Variants in THSD7A observed in about 807,000 individuals in gnomAD.
THSD7A encodes thrombospondin type 1 domain containing 7A, also known as thrombospondin type-1 domain-containing protein 7A.
THSD7A carries 96 observed loss-of-function variants against 231.3 expected under a neutral mutation model. That is an observed-to-expected ratio of 0.41 (90% confidence interval 0.35 to 0.49). The LOEUF is 0.49. Among genes scored for constraint, THSD7A ranks in the 20% least tolerant of loss-of-function variants. The pLI is 0.05. For synonymous variants in THSD7A, 940 were observed against 743.3 expected, an observed-to-expected ratio of 1.26 and a Z score of -4.30; for missense variants, 2,290 against 2,070.2, an observed-to-expected ratio of 1.11 and a Z score of -2.06.
At chr7:11,699,766 A>G (rs1368749739) in intron 1 of THSD7A, among the ~76,000 whole-genome samples, 1 of 151,278 alleles carries the variant, frequency 6.6e-6, no homozygotes, top group East Asian at 2.0e-4. Context: ...CTTTCCACCT[A>G]CATAACTGAA....
chr7:11,591,399 C>T (rs953828198), intron 3 of THSD7A, among the ~76,000 whole-genome samples: 7 of 151,948 alleles, frequency 4.6e-5, no homozygotes, highest in African/African-American at 1.5e-4. Context: ...GGCATTTCTC[C>T]ACCTCAAGGA....
chr7:11,771,041 CTT>C (rs1783210324), intron 1 of THSD7A, among the ~76,000 whole-genome samples: 1 of 150,994 alleles, frequency 6.6e-6, no homozygotes, highest in Non-Finnish European at 1.5e-5. Context: ...CTCATACATT[CTT>C]TCTTTAAAAA....
chr7:11,382,665 G>T, intron 23 of THSD7A, 49 bp from the exon 24 acceptor site: 3 of 1,338,192 alleles, frequency 2.2e-6, no homozygotes, highest in Non-Finnish European at 3.2e-6. Flanking sequence ...TACCCAGAAG[G>T]ACAATCATGG....
chr7:11,692,202 C>A (rs1754983616), intron 1 of THSD7A, among the ~76,000 whole-genome samples: 1 of 151,468 alleles, frequency 6.6e-6, no homozygotes, highest in Non-Finnish European at 1.5e-5. Context: ...AATTTGCAGC[C>A]TGAAAACATT....
rs970593726 is a variant in THSD7A, at chr7:11,406,821, T to C, written c.4062+89A>G. ...TGTCATCTGTGAGCTCTGAAACATA[T>C]TTCTAACACATTATTTTTATGTTTT... On this transcript the variant is annotated intron_variant, in intron 21 of 27. Coordinates refer to ENST00000423059, the MANE Select transcript of THSD7A (RefSeq NM_015204.3). This position sits in a 1 kb window ranked among gnomAD's most constrained non-coding sequence, Gnocchi z 4.7. 60 of 1,450,598 alleles carry C rather than the reference T, an allele frequency of 4.1e-5. No homozygotes were observed. The highest frequency in any genetic ancestry group is 1.2e-4 in the East Asian group (5 of 41,988). 89.9% of individuals were successfully genotyped at this position (1,450,598 alleles called of 1,614,324 possible). A position where few individuals can be genotyped will look rare whatever the true frequency, so the allele number is the denominator to read the frequency against.
chr7:11,666,917 T>C lies in THSD7A; in HGVS notation c.191-29956A>G, dbSNP rs73294506. Among the ~76,000 whole-genome samples, 810 of 152,100 alleles carry C rather than the reference T, an allele frequency of 5.3e-3. 9 individuals are homozygous for C. The highest frequency in any genetic ancestry group is 0.017 in the African/African-American group (724 of 41,526). On this transcript the variant is annotated intron_variant, in intron 1 of 27. Coordinates refer to ENST00000423059, the MANE Select transcript of THSD7A (RefSeq NM_015204.3). ...TTTTTCTGATTTAATGCAAGCATAT[T>C]AAAATAAGTCAAAAAAACTAAAATG...
At chr7:11,512,084 AG>A (rs1787833007) in intron 6 of THSD7A, among the ~76,000 whole-genome samples, 1 of 152,236 alleles carries the variant, frequency 6.6e-6, no homozygotes, top group Non-Finnish European at 1.5e-5. Context: ...GAACAAATTT[AG>A]AAGAAAAAAT....
intron 1 of THSD7A, among the ~76,000 whole-genome samples, chr7:11,822,943 G>A (rs911442031): frequency 1.3e-5 from 2 of 151,920 alleles, no homozygotes; most frequent in African/African-American, 4.8e-5. Flanking sequence ...GTGTGCAGAA[G>A]GTCTTCAGTT....
At chr7:11,426,531 C>G in intron 15 of THSD7A, 135 bp downstream of exon 15, 1 of 972,162 alleles carries the variant, frequency 1.0e-6, no homozygotes, top group Non-Finnish European at 1.5e-6. Context: ...GAAAAAAATT[C>G]TTTAATGGAA....
chr7:11,629,291 C>G (rs201488614), intron 2 of THSD7A, among the ~76,000 whole-genome samples: 9 of 152,064 alleles, frequency 5.9e-5, no homozygotes, highest in Admixed American at 5.9e-4. Flanking sequence ...CTGGTCAGCT[C>G]GACATTTTGA....
intron 11 of THSD7A, among the ~76,000 whole-genome samples, chr7:11,451,998 A>G (rs1158147537): frequency 1.3e-5 from 2 of 152,054 alleles, no homozygotes; most frequent in Non-Finnish European, 2.9e-5. Context: ...CATTACAGGA[A>G]ACAGAATAGG....
intron 1 of THSD7A, among the ~76,000 whole-genome samples, chr7:11,715,762 C>T (rs575003179): frequency 1.3e-5 from 2 of 151,536 alleles, no homozygotes; most frequent in Admixed American, 6.6e-5. Flanking sequence ...AAATAAAAAA[C>T]CACAAGGGTC....
chr7:11,707,767 A>T (rs1352040247), intron 1 of THSD7A, among the ~76,000 whole-genome samples: 1 of 150,918 alleles, frequency 6.6e-6, no homozygotes, highest in Non-Finnish European at 1.5e-5. Context: ...TTCAATGCTT[A>T]TGTGATATTC....
At chr7:11,506,997 G>C (rs1211805363) in intron 6 of THSD7A, among the ~76,000 whole-genome samples, 3 of 152,100 alleles carry the variant, frequency 2.0e-5, no homozygotes, top group South Asian at 2.1e-4. Flanking sequence ...CAGGGGTACT[G>C]TCTGTTCATC....
chr7:11,721,537 CTCT>C lies in THSD7A; in HGVS notation c.191-84579_191-84577del, dbSNP rs1392321981. ...CTACGGAACTGTGAGTCAATAAAACCTCTTTTCTTCATAAGTTACCTAGTCTCA... is the reference window on the plus strand; with the variant it reads ...CTACGGAACTGTGAGTCAATAAAACCTTTCTTCATAAGTTACCTAGTCTCA... On this transcript the variant is annotated intron_variant, in intron 1 of 27. Coordinates refer to ENST00000423059, the MANE Select transcript of THSD7A (RefSeq NM_015204.3). 7.3e-5 allele frequency among the ~76,000 whole-genome samples: 8 copies of C among 110,048 alleles called. No homozygotes were observed. The East Asian group carries it at 1.4e-3, about 20-fold the overall frequency. 72.2% of individuals were successfully genotyped at this position (110,048 alleles called of 152,430 possible). A position where few individuals can be genotyped will look rare whatever the true frequency, so the allele number is the denominator to read the frequency against.
At chr7:11,492,172 C>T (rs1187782998) in intron 6 of THSD7A, among the ~76,000 whole-genome samples, 1 of 151,886 alleles carries the variant, frequency 6.6e-6, no homozygotes, top group Admixed American at 6.6e-5. Flanking sequence ...TATTTGCAAC[C>T]AGAAAAGGTG....
chr7:11,475,597 CAT>C (rs61076481), intron 7 of THSD7A, among the ~76,000 whole-genome samples: 62 of 147,584 alleles, frequency 4.2e-4, no homozygotes, highest in African/African-American at 1.3e-3. Flanking sequence ...ATGTATATAA[CAT>C]ATATATAACA....
At chr7:11,586,113 G>A (rs1379653237) in intron 4 of THSD7A, among the ~76,000 whole-genome samples, 1 of 151,960 alleles carries the variant, frequency 6.6e-6, no homozygotes, top group Non-Finnish European at 1.5e-5. Flanking sequence ...AGCAGAAAGT[G>A]GTATGCTTAG....
intron 1 of THSD7A, among the ~76,000 whole-genome samples, chr7:11,793,196 T>C (rs1020483708): frequency 1.1e-4 from 17 of 151,450 alleles, no homozygotes; most frequent in Non-Finnish European, 1.5e-5. Flanking sequence ...AAAGATGGGG[T>C]AAGAAGTATT....
Sources: allele counts gnomAD v4.1 joint callset (sites outside exome capture counted in the v4.1 genomes callset), GRCh38; gene constraint gnomAD v4.1.1; non-coding constraint Gnocchi (gnomAD v3.1); transcripts MANE v1.5; gene names NCBI Gene and HGNC (gene_info 2026-07-23, HGNC 2026-07-21).